Variants in GRHL1 observed in about 807,000 individuals in gnomAD.
The protein encoded by GRHL1 is grainyhead-like protein 1 homolog.
Under a neutral mutation model 75.7 loss-of-function variants are expected in GRHL1, and 38 were observed. The observed-to-expected ratio is 0.50, with a 90% CI of 0.39 to 0.66. The LOEUF (loss-of-function observed/expected upper bound fraction) is 0.66, where lower values mean the gene tolerates loss of function less well. GRHL1 is among the 30% of genes least tolerant of loss of function. GRHL1 has a pLI of 0.00. For missense variants in GRHL1, 589 were observed against 767.5 expected (o/e 0.77, Z 2.75); for synonymous variants, 266 against 279.4 (o/e 0.95, Z 0.48).
At chr2:9,977,966 C>T (rs916417162) in intron 8 of GRHL1, among the ~76,000 whole-genome samples, 1 of 152,196 alleles carries the variant, frequency 6.6e-6, no homozygotes, top group Non-Finnish European at 1.5e-5. Context: ...GCGAAAGCCA[C>T]GTCCTCCATG....
At chr2:9,983,532 G>C (rs948946505) in intron 8 of GRHL1, among the ~76,000 whole-genome samples, 1 of 152,090 alleles carries the variant, frequency 6.6e-6, no homozygotes, top group Non-Finnish European at 1.5e-5. Context: ...TTTTTGAATA[G>C]AAACTTGAAA....
At chr2:9,991,907 G>T in intron 10 of GRHL1, 100 bp from the exon 11 acceptor site, 1 of 841,720 alleles carries the variant, frequency 1.2e-6, no homozygotes, top group South Asian at 1.9e-5. Context: ...TGCTACACTT[G>T]GAGTATCTTA....
intron 2 of GRHL1, among the ~76,000 whole-genome samples, chr2:9,956,570 G>A (rs1381769261): frequency 2.0e-5 from 3 of 151,976 alleles, no homozygotes; most frequent in Non-Finnish European, 2.9e-5. Context: ...GAGGCCATGC[G>A]TCTAACTAAG....
intron 7 of GRHL1, 29 bp downstream of exon 7, chr2:9,964,375 C>T (rs41264185): frequency 0.024 from 27,900 of 1,147,268 alleles, 878 homozygotes; most frequent in African/African-American, 0.14. Flanking sequence ...CGCTTTTATT[C>T]CCAGAGGTGC....
At chr2:9,973,298 C>T (rs570671864) in intron 8 of GRHL1, among the ~76,000 whole-genome samples, 1 of 152,268 alleles carries the variant, frequency 6.6e-6, no homozygotes, top group African/African-American at 2.4e-5. Flanking sequence ...GTGACTCAGT[C>T]CCCAGTACCT....
Position 9,958,769 on chromosome 2 carries a change from A to G in GRHL1, c.208-17A>G. 1.2e-6 allele frequency: 2 copies of G among 1,603,484 alleles called. No homozygotes were observed. Among genetic ancestry groups the G allele is most frequent in the Non-Finnish European group, 1.7e-6 (2 of 1,170,444 alleles). On this transcript the variant is annotated splice_polypyrimidine_tract_variant and intron_variant, in intron 2 of 15. Coordinates refer to ENST00000324907, the MANE Select transcript of GRHL1 (RefSeq NM_198182.3). Reference sequence around the variant, plus strand: ...ACTGGATAAGAGCTAAATTCTTTTCATGTGTGCTAATATCAGGTTCCAAGA... The same window carrying G: ...ACTGGATAAGAGCTAAATTCTTTTCGTGTGTGCTAATATCAGGTTCCAAGA...
Position 9,962,463 on chromosome 2 carries a change from C to A in GRHL1, c.678C>A (p.Phe226Leu). 6.3e-7 allele frequency: 1 copy of A among 1,591,554 alleles called. No individual in the cohort carries two copies. The highest frequency in any genetic ancestry group is 8.6e-7 in the Non-Finnish European group (1 of 1,159,440). ...TCACATTGATATTTCAGGTTTTCTT[C>A]CCCTCGGATCTCAGTCTGCGGATGC... The part of the protein sequence containing the change: ...TFKEGVQEVF[F>L]PSDLSLRMPG... Residue 226 changes from phenylalanine (F) to leucine (L), a missense_variant, in exon 5 of 16, where the codon TTC becomes TTA. Physicochemically the swap from Phe to Leu is conservative, Grantham distance 22 (BLOSUM62 0). Around this residue, in one of 5 missense-constraint regions of GRHL1, gnomAD observed 362 missense variants for 461.8 expected, o/e 0.78. Transcript: ENST00000324907.
chr2:9,976,403 G>A (rs991574731), intron 8 of GRHL1, among the ~76,000 whole-genome samples: 1 of 152,176 alleles, frequency 6.6e-6, no homozygotes, highest in Admixed American at 6.5e-5. Flanking sequence ...GCCAGGAGTG[G>A]TGGGGACTGC....
At chr2:9,994,753 T>C (rs1366822423) in intron 12 of GRHL1, among the ~76,000 whole-genome samples, 2 of 152,202 alleles carry the variant, frequency 1.3e-5, no homozygotes, top group Non-Finnish European at 2.9e-5. Flanking sequence ...TTCAGTTATC[T>C]ACCTCTTCTC....
intron 8 of GRHL1, among the ~76,000 whole-genome samples, chr2:9,981,657 C>T (rs1182593729): frequency 1.3e-5 from 2 of 152,260 alleles, no homozygotes; most frequent in South Asian, 2.1e-4. Context: ...GAAAAATAGT[C>T]GCTTCTGATT....
rs755192552 is a variant in GRHL1 at position 9,990,540 on chromosome 2, G to A, written c.1270-156G>A. Among the ~76,000 whole-genome samples the A allele has an allele frequency of 6.6e-6, 1 of 152,170 alleles. No individual in the cohort carries two copies. Among genetic ancestry groups the A allele is most frequent in the Admixed American group, 6.5e-5 (1 of 15,272 alleles). The stretch of plus-strand genomic sequence containing the variant: ...AATTTTAAGACTAATCTTTTTAGAA[G>A]AAACTACTATGATAAGCCTCATGAA... On this transcript the variant is annotated intron_variant, in intron 9 of 15. Transcript: ENST00000324907. The surrounding 1 kb of genome is among the most constrained non-coding windows in gnomAD (Gnocchi z 4.2).
rs183824011 is a variant in GRHL1 at position 9,987,677 on chromosome 2, A to G, written c.1269+1395A>G. Among the ~76,000 whole-genome samples, 640 of 152,258 alleles carry G rather than the reference A, an allele frequency of 4.2e-3. 1 individual carries two copies. Among genetic ancestry groups the G allele is most frequent in the Admixed American group, 1.0e-2 (153 of 15,302 alleles). On this transcript the variant is annotated intron_variant, in intron 9 of 15. Coordinates refer to ENST00000324907, the MANE Select transcript of GRHL1 (RefSeq NM_198182.3). The surrounding 1 kb of genome is among the most constrained non-coding windows in gnomAD (Gnocchi z 4.2). ...GTGGCTCTTTTTTTATCTGGAGAAG[A>G]GAGGCTTACTTTTGCCCAGTGCAGA...
chr2:9,983,265 A>T (rs1386192115), intron 8 of GRHL1, among the ~76,000 whole-genome samples: 1 of 149,596 alleles, frequency 6.7e-6, no homozygotes, highest in Admixed American at 6.7e-5. Flanking sequence ...CAGCTTTGTC[A>T]CCTTCTCCTG....
At chr2:9,955,187 A>G in intron 2 of GRHL1, 86 bp downstream of exon 2, 1 of 865,722 alleles carries the variant, frequency 1.2e-6, no homozygotes, top group East Asian at 2.6e-5. Flanking sequence ...TGCTGGTAGA[A>G]TGCCATGCAA....
rs772933149 is a variant in GRHL1, at chr2:9,965,369, C to T, written c.1098C>T (p.Asn366=). 2.2e-5 allele frequency: 36 copies of T among 1,600,768 alleles called. No homozygotes were observed. The East Asian group carries it at 5.8e-4, about 26-fold the overall frequency. ...YNAISFTWDI[N]DEAKVFISVN... is the part of the protein sequence containing the mutation. ...CCATTTCCTTCACATGGGACATCAA[C>T]GATGAAGCAAAGGTGGGTGGTGAGG... is the stretch of plus-strand genomic sequence containing the variant. The change falls in exon 8 of 16, where the codon AAC becomes AAT. Residue 366 remains asparagine, a synonymous_variant. Coordinates refer to ENST00000324907, the MANE Select transcript of GRHL1 (RefSeq NM_198182.3).
Position 9,984,443 on chromosome 2 carries a change from A to C in GRHL1, c.1111-1681A>C, listed in dbSNP as rs527927203. Among the ~76,000 whole-genome samples, 7 of 152,310 alleles carry C rather than the reference A, an allele frequency of 4.6e-5. No homozygotes were observed. The South Asian group carries it at 8.3e-4, about 18-fold the overall frequency. On this transcript the variant is annotated intron_variant, in intron 8 of 15. Coordinates refer to ENST00000324907, the MANE Select transcript of GRHL1 (RefSeq NM_198182.3). ...AAAACTAGTTGAAAGGGAGCTCAAAAACATTTTTAAAATCCACAGTGATAA... is the reference window on the plus strand; with the variant it reads ...AAAACTAGTTGAAAGGGAGCTCAAACACATTTTTAAAATCCACAGTGATAA...
intron 8 of GRHL1, among the ~76,000 whole-genome samples, chr2:9,974,527 A>G (rs1667865973): frequency 6.7e-6 from 1 of 149,992 alleles, no homozygotes; most frequent in South Asian, 2.1e-4. Flanking sequence ...ACAGCAGGCG[A>G]TACTGATGTG....
intron 8 of GRHL1, among the ~76,000 whole-genome samples, chr2:9,977,352 G>C (rs959953396): frequency 6.6e-6 from 1 of 151,984 alleles, no homozygotes; most frequent in Non-Finnish European, 1.5e-5. Flanking sequence ...ACGAAGTCTT[G>C]CTCTGTCACT....
intron 12 of GRHL1, among the ~76,000 whole-genome samples, chr2:9,993,707 G>A (rs1403528640): frequency 6.6e-6 from 1 of 152,182 alleles, no homozygotes; most frequent in African/African-American, 2.4e-5. Context: ...AGGCCAGGCT[G>A]GGTTCTCCGT....
Sources: allele counts gnomAD v4.1 joint callset (sites outside exome capture counted in the v4.1 genomes callset), GRCh38; gene constraint gnomAD v4.1.1; regional missense constraint gnomAD v4.1.1; non-coding constraint Gnocchi (gnomAD v3.1); transcripts MANE v1.5; gene names NCBI Gene and HGNC (gene_info 2026-07-23, HGNC 2026-07-21).